DDX56: variants seen among roughly 807,000 people sequenced by gnomAD.
DDX56 encodes the protein DEAD-box helicase 56, also known as probable ATP-dependent RNA helicase DDX56.
Under a neutral mutation model 61.5 loss-of-function variants are expected in DDX56, and 45 were observed. The observed-to-expected ratio is 0.73, with a 90% CI of 0.58 to 0.94. The LOEUF (loss-of-function observed/expected upper bound fraction) is 0.94, where lower values mean the gene tolerates loss of function less well. DDX56 is among the 40% of genes least tolerant of loss of function. The probability of loss-of-function intolerance (pLI) is 0.00; values close to 1 mark genes in which losing one functional copy is unlikely to be tolerated. For missense variants in DDX56, 708 were observed against 690.7 expected (o/e 1.02, Z -0.28); for synonymous variants, 273 against 268.3 (o/e 1.02, Z -0.17).
At chr7:44,572,478 C>T (rs765481552) in intron 4 of DDX56, 41 bp from the exon 5 acceptor site, 9 of 1,612,838 alleles carry the variant, frequency 5.6e-6, no homozygotes, top group East Asian at 2.2e-5. Flanking sequence ...CTCCAAGGGC[C>T]GCTAATTGTA....
At chr7:44,566,100 G>A (rs1802525356) in intron 13 of DDX56, 21 bp from the exon 14 acceptor site, 1 of 1,550,464 alleles carries the variant, frequency 6.4e-7, no homozygotes, top group African/African-American at 1.4e-5. Flanking sequence ...AAAGTCACAG[G>A]TTAGTTGGGG....
chr7:44,569,900 T>C lies in DDX56; in HGVS notation c.1128A>G (p.Thr376=). The C allele has an allele frequency of 1.2e-6, 2 of 1,611,438 alleles. No homozygotes were observed. Among genetic ancestry groups the C allele is most frequent in the Non-Finnish European group, 1.7e-6 (2 of 1,178,620 alleles). The change falls in exon 9 of 14, where the codon ACA becomes ACG. Residue 376 remains threonine, a synonymous_variant. Coordinates refer to ENST00000258772, the MANE Select transcript of DDX56 (RefSeq NM_019082.4). ...CTATGCCTGGGTTGTTAGCGCGTGCTGTCCTGCAAGGGAAGACAGTGCAGC... is the reference window on the plus strand; with the variant it reads ...CTATGCCTGGGTTGTTAGCGCGTGCCGTCCTGCAAGGGAAGACAGTGCAGC... ...PEAYIHRAGR[T]ARANNPGIVL... is the part of the protein sequence containing the mutation.
At chr7:44,572,272 C>T in intron 5 of DDX56, 75 bp downstream of exon 5, 1 of 1,269,956 alleles carries the variant, frequency 7.9e-7, no homozygotes, top group Non-Finnish European at 1.1e-6. Context: ...ACCAAAGAAT[C>T]CCCTAAGAAG....
At chr7:44,569,090 CCCCTCCCCTCTCATT>C in intron 10 of DDX56, 25 bp downstream of exon 10, 1 of 1,612,466 alleles carries the variant, frequency 6.2e-7, no homozygotes, top group South Asian at 1.1e-5. Flanking sequence ...TGGGCCACAG[CCCCTCCCCTCTCATT>C]CCCCTCCCCA....
Position 44,569,193 on chromosome 7 carries a change from GC to G in DDX56, c.1229del (p.Gly410AlafsTer28). 1 of 1,613,858 alleles carries G rather than the reference GC, an allele frequency of 6.2e-7. No individual in the cohort carries two copies. Among genetic ancestry groups the G allele is most frequent in the Non-Finnish European group, 8.5e-7 (1 of 1,180,006 alleles). Reference protein sequence around the residue: ...IEELLSGENRGPILLPYQFRM... With the variant: ...IEELLSGENRXPILLPYQFRM... ...GGAACTGGTAGGGGAGCAGAATGGG[GC>G]CCCTGTTCTCTGTGGAGAAGAAAGC... On this transcript the variant is annotated frameshift_variant, in exon 10 of 14. Transcript: ENST00000258772. LOFTEE classifies it high-confidence loss of function.
In DDX56 at chr7:44,569,854, T is replaced by A. The variant is rs758820110; in HGVS notation, c.1174A>T (p.Thr392Ser). The change falls in exon 9 of 14, where the codon ACG (threonine) becomes TCG (serine). Residue 392 changes from threonine to serine, a missense_variant. Transcript: ENST00000258772. ...ATCTTGCCTAAGTGGAACTGCTCCGTGGGAAGCACAAAGGTTAAGACTATG... is the reference window on the plus strand; with the variant it reads ...ATCTTGCCTAAGTGGAACTGCTCCGAGGGAAGCACAAAGGTTAAGACTATG... ...PGIVLTFVLP[T>S]EQFHLGKIEE... is the part of the protein sequence containing the mutation. 3 of 1,610,878 alleles carry A rather than the reference T, an allele frequency of 1.9e-6. No individual in the cohort carries two copies. The highest frequency in any genetic ancestry group is 2.5e-6 in the Non-Finnish European group (3 of 1,178,372).
rs371403776 is a variant in DDX56, at chr7:44,573,708, T to G, written c.97A>C (p.Ile33Leu). ...GCCAGTGGGATGGCCTTCTCCTGGA[T>G]CAGCGTAGGTCGCGACCAGCCCAGA... ...TDLGWSRPTL[I>L]QEKAIPLALE... The change falls in exon 2 of 14, where the codon ATC (isoleucine) becomes CTC (leucine). Residue 33 changes from isoleucine to leucine, a missense_variant. Coordinates refer to ENST00000258772, the MANE Select transcript of DDX56 (RefSeq NM_019082.4). 1 of 1,613,494 alleles carries G rather than the reference T, an allele frequency of 6.2e-7. No homozygotes were observed. The highest frequency in any genetic ancestry group is 8.5e-7 in the Non-Finnish European group (1 of 1,179,994).
chr7:44,569,285 C>A, intron 9 of DDX56, 82 bp from the exon 10 acceptor site: 1 of 1,359,074 alleles, frequency 7.4e-7, no homozygotes, highest in African/African-American at 1.5e-5. Context: ...GCACCTCCCC[C>A]TTGGGGGAAA....
intron 12 of DDX56, chr7:44,567,899 T>C: frequency 3.4e-6 from 2 of 583,206 alleles, no homozygotes; most frequent in Non-Finnish European, 6.2e-6. Flanking sequence ...AATTTCCTCA[T>C]CTCTAAAATG....
chr7:44,568,096 T>G, intron 12 of DDX56, 22 bp downstream of exon 12: 2 of 1,585,776 alleles, frequency 1.3e-6, no homozygotes. Flanking sequence ...TGCTGCCTCC[T>G]GCCCTGTCAG....
At chr7:44,572,228 T>G in intron 5 of DDX56, 119 bp downstream of exon 5, 2 of 784,624 alleles carry the variant, frequency 2.5e-6, no homozygotes, top group Non-Finnish European at 4.3e-6. Context: ...GGACCAGGGA[T>G]GAGACACTAA....
intron 2 of DDX56, among the ~76,000 whole-genome samples, 194 bp from the exon 3 acceptor site, chr7:44,573,244 CG>C (rs1205238692): frequency 6.6e-6 from 1 of 152,188 alleles, no homozygotes; most frequent in Non-Finnish European, 1.5e-5. Flanking sequence ...AAAAGAATAA[CG>C]TACTCTGATG....
At position 44,572,366 on chromosome 7, in the gene DDX56, T is replaced by C; in HGVS notation, c.626A>G (p.Glu209Gly). 6.2e-7 allele frequency: 1 copy of C among 1,614,002 alleles called. No homozygotes were observed. The highest frequency in any genetic ancestry group is 8.5e-7 in the Non-Finnish European group (1 of 1,179,960). ...TFNEDVQALK[E>G]LILHNPVTLK... ...TCTTACCGGGTTATGTAATATCAGCTCCTTGAGTGCTTGTACGTCCTCGTT... is the reference window on the plus strand; with the variant it reads ...TCTTACCGGGTTATGTAATATCAGCCCCTTGAGTGCTTGTACGTCCTCGTT... The change falls in exon 5 of 14, where the codon GAG becomes GGG. Residue 209 changes from glutamate to glycine, a missense_variant. By Grantham distance (98) the Glu-to-Gly change is moderately conservative. Coordinates refer to ENST00000258772, the MANE Select transcript of DDX56 (RefSeq NM_019082.4).
chr7:44,567,313 C>T (rs994377870), intron 12 of DDX56, among the ~76,000 whole-genome samples: 4 of 152,214 alleles, frequency 2.6e-5, no homozygotes, highest in African/African-American at 7.2e-5. Flanking sequence ...ACACCACACC[C>T]GCTGGGTGGC....
At position 44,572,900 on chromosome 7, in the gene DDX56, C is replaced by G; in HGVS notation, c.373G>C (p.Val125Leu). ...VANVSAAEDS[V>L]SQRAVLMEKP... is the part of the protein sequence containing the mutation. ...GCTGCTTTTACCCACCTCTGAGAGA[C>G]TGAGTCTTCAGCAGCTGAGACATTG... Residue 125 changes from valine to leucine, a missense_variant, in exon 3 of 14, where the codon GTC becomes CTC. Transcript: ENST00000258772. 1 of 1,591,362 alleles carries G rather than the reference C, an allele frequency of 6.3e-7. No individual in the cohort carries two copies. Among genetic ancestry groups the G allele is most frequent in the Non-Finnish European group, 8.6e-7 (1 of 1,167,146 alleles).
At chr7:44,568,782 C>G in intron 11 of DDX56, 121 bp downstream of exon 11, 1 of 760,642 alleles carries the variant, frequency 1.3e-6, no homozygotes, top group South Asian at 1.6e-5. Context: ...ATTTCCTCCC[C>G]TTCCGTGCCA....
In DDX56 at chr7:44,570,062, G is replaced by A. The variant is rs1184161963; in HGVS notation, c.1077C>T (p.Asn359=). 6.2e-7 allele frequency: 1 copy of A among 1,614,150 alleles called. No homozygotes were observed. Among genetic ancestry groups the A allele is most frequent in the South Asian group, 1.1e-5 (1 of 91,078 alleles). ...IDFHHVSAVL[N]FDLPPTPEAY... is the part of the protein sequence containing the mutation. The stretch of plus-strand genomic sequence containing the variant: ...CCTCAGGGGTTGGGGGAAGATCAAA[G>A]TTGAGCACAGCAGACACATGGTGGA... The change falls in exon 8 of 14, where the codon AAC becomes AAT. Residue 359 remains asparagine (N), a synonymous_variant. Transcript: ENST00000258772.
intron 10 of DDX56, 40 bp downstream of exon 10, chr7:44,569,090 C>A (rs1404260434): frequency 1.2e-6 from 2 of 1,612,466 alleles, no homozygotes; most frequent in Non-Finnish European, 8.5e-7. Context: ...TGGGCCACAG[C>A]CCCTCCCCTC....
intron 7 of DDX56, 96 bp downstream of exon 7, chr7:44,570,662 T>C (rs1585172129): frequency 6.8e-7 from 1 of 1,472,822 alleles, no homozygotes; most frequent in Non-Finnish European, 9.1e-7. Context: ...CCTGGAAGGT[T>C]TGGCTCCCTG....
Sources: gnomAD v4.1 joint callset for allele counts (sites outside exome capture counted in the v4.1 genomes callset) on GRCh38, gnomAD v4.1.1 for gene constraint, MANE v1.5 for transcripts, NCBI Gene and HGNC (gene_info 2026-07-23, HGNC 2026-07-21) for gene names.